AMOTL1: variants seen among roughly 807,000 people sequenced by gnomAD.
The protein encoded by AMOTL1 is angiomotin-like protein 1.
In AMOTL1, 45 loss-of-function variants were observed where a neutral mutation model predicts 102.9. The observed-to-expected ratio is 0.44, with a 90% confidence interval of 0.34 to 0.56. AMOTL1 has a LOEUF of 0.56. AMOTL1 is among the 20% of genes least tolerant of loss of function. The pLI, the probability that AMOTL1 is intolerant of heterozygous loss-of-function variation, is 0.01. For missense variants in AMOTL1, 1,114 were observed against 1,225.6 expected (o/e 0.91, Z 1.36); for synonymous variants, 481 against 484.7 (o/e 0.99, Z 0.10).
intron 6 of AMOTL1, among the ~76,000 whole-genome samples, chr11:94,837,475 T>C (rs1184162718): frequency 1.3e-5 from 2 of 152,232 alleles, no homozygotes; most frequent in Non-Finnish European, 2.9e-5. Flanking sequence ...TCCCAAAGAA[T>C]GCCTGCGTGG....
intron 3 of AMOTL1, among the ~76,000 whole-genome samples, chr11:94,820,733 A>T (rs905843049): frequency 6.6e-6 from 1 of 152,140 alleles, no homozygotes; most frequent in Admixed American, 6.5e-5. Context: ...TTGCAACTAG[A>T]TTGTCCCATC....
At chr11:94,823,466 T>A (rs7115439) in intron 4 of AMOTL1, among the ~76,000 whole-genome samples, 37,828 of 151,988 alleles carry the variant, frequency 0.25, 5,325 homozygotes, top group East Asian at 0.46. Context: ...CTTGCCTCTG[T>A]CATTTTTGGG....
chr11:94,729,825 T>C (rs1393775194), intron 2 of AMOTL1, among the ~76,000 whole-genome samples: 1 of 152,228 alleles, frequency 6.6e-6, no homozygotes, highest in African/African-American at 2.4e-5. Context: ...AGTATCTATT[T>C]TATGCCAAGC....
chr11:94,766,807 C>T (rs183776742), upstream of AMOTL1, among the ~76,000 whole-genome samples: 5 of 152,362 alleles, frequency 3.3e-5, no homozygotes, highest in African/African-American at 1.2e-4. Flanking sequence ...TGAGCTTCTT[C>T]ATCCGGCAAG....
At chr11:94,755,416 C>T (rs1565340251) in intron 3 of AMOTL1, among the ~76,000 whole-genome samples, 1 of 152,196 alleles carries the variant, frequency 6.6e-6, no homozygotes, top group Non-Finnish European at 1.5e-5. Flanking sequence ...ATCACTCAGC[C>T]TCTGCTAGAA....
chr11:94,868,636 C>T (rs1033779235), intron 11 of AMOTL1, among the ~76,000 whole-genome samples: 1 of 152,132 alleles, frequency 6.6e-6, no homozygotes, highest in African/African-American at 2.4e-5. Flanking sequence ...GACCATCATC[C>T]ATTACAAGGA....
In AMOTL1 at chr11:94,872,821, C is replaced by T. The variant is rs1034218063; in HGVS notation, c.*2026C>T. ...GGGAAGAGGGCACAGGAGGCCTCATCCATGGGGGAAAGGGTTGAGGATGGA... is the reference window on the plus strand; with the variant it reads ...GGGAAGAGGGCACAGGAGGCCTCATTCATGGGGGAAAGGGTTGAGGATGGA... On this transcript the variant is annotated 3_prime_UTR_variant, in exon 13 of 13. Transcript: ENST00000433060. 1 of 152,228 alleles carries T rather than the reference C, an allele frequency of 6.6e-6. No individual in the cohort carries two copies. Among genetic ancestry groups the T allele is most frequent in the African/African-American group, 2.4e-5 (1 of 41,420 alleles). The allele number at this position is 152,228 out of a possible 1,614,324, so 9.4% of individuals were successfully genotyped here. A position where few individuals can be genotyped will look rare whatever the true frequency, so the allele number is the denominator to read the frequency against.
At chr11:94,849,469 T>G (rs932098962) in intron 6 of AMOTL1, among the ~76,000 whole-genome samples, 5 of 152,194 alleles carry the variant, frequency 3.3e-5, no homozygotes, top group Admixed American at 2.6e-4. Context: ...GCTTCCCATA[T>G]GCAAAGAGAG....
intron 2 of AMOTL1, chr11:94,796,987 A>C: frequency 1.0e-6 from 1 of 985,392 alleles, no homozygotes; most frequent in Non-Finnish European, 1.2e-6. Context: ...CGAGCGTGGC[A>C]GTTGATTAAA....
At chr11:94,790,652 T>A (rs1480038693) in intron 1 of AMOTL1, among the ~76,000 whole-genome samples, 1 of 152,102 alleles carries the variant, frequency 6.6e-6, no homozygotes, top group Admixed American at 6.5e-5. Context: ...ACCACAAAAA[T>A]TCCACCCTGA....
At chr11:94,757,343 C>T (rs895440832) in intron 3 of AMOTL1, among the ~76,000 whole-genome samples, 1 of 152,080 alleles carries the variant, frequency 6.6e-6, no homozygotes, top group Middle Eastern at 3.4e-3. Flanking sequence ...TTGTAACCAC[C>T]GCTTATGAAA....
At chr11:94,708,482 T>C (rs1401433375) in intron 1 of AMOTL1, among the ~76,000 whole-genome samples, 2 of 152,204 alleles carry the variant, frequency 1.3e-5, no homozygotes, top group African/African-American at 2.4e-5. Context: ...CTAAACCTTC[T>C]TGAGGCTCAT....
At chr11:94,787,977 C>T (rs1159915523) in intron 1 of AMOTL1, among the ~76,000 whole-genome samples, 1 of 152,160 alleles carries the variant, frequency 6.6e-6, no homozygotes, top group Non-Finnish European at 1.5e-5. Context: ...AGGGTGAGGT[C>T]ACCATAGAGA....
intron 1 of AMOTL1, among the ~76,000 whole-genome samples, chr11:94,793,295 A>C (rs1245403690): frequency 6.6e-6 from 1 of 152,124 alleles, no homozygotes; most frequent in East Asian, 1.9e-4. Flanking sequence ...ATTTGGTAGG[A>C]GGGATGGGAA....
chr11:94,756,056 C>T (rs765506507), intron 3 of AMOTL1, among the ~76,000 whole-genome samples: 1 of 152,154 alleles, frequency 6.6e-6, no homozygotes, highest in African/African-American at 2.4e-5. Context: ...TGACCTTCCG[C>T]TGGAGTCAGG....
intron 3 of AMOTL1, among the ~76,000 whole-genome samples, chr11:94,746,786 T>TA (rs61150359): frequency 0.12 from 18,572 of 152,080 alleles, 2,420 homozygotes; most frequent in African/African-American, 0.3. Context: ...TGCTTGGGTT[T>TA]AATCACATCT....
chr11:94,835,283 C>T (rs996630144), intron 6 of AMOTL1, among the ~76,000 whole-genome samples: 1 of 152,172 alleles, frequency 6.6e-6, no homozygotes, highest in Non-Finnish European at 1.5e-5. Flanking sequence ...GTGAGAAACT[C>T]GGGCTTCTTT....
chr11:94,755,819 C>A (rs1289252301), intron 3 of AMOTL1, among the ~76,000 whole-genome samples: 1 of 152,164 alleles, frequency 6.6e-6, no homozygotes, highest in Non-Finnish European at 1.5e-5. Flanking sequence ...TTACAGTGTG[C>A]TCTTTCAGTT....
At chr11:94,714,954 C>T (rs960155221) in intron 1 of AMOTL1, among the ~76,000 whole-genome samples, 3 of 152,024 alleles carry the variant, frequency 2.0e-5, no homozygotes, top group Non-Finnish European at 2.9e-5. Context: ...GAGCTAGCGA[C>T]TTAAATTACT....
Sources: gnomAD v4.1 joint callset for allele counts (sites outside exome capture counted in the v4.1 genomes callset) on GRCh38, gnomAD v4.1.1 for gene constraint, MANE v1.5 for transcripts, NCBI Gene and HGNC (gene_info 2026-07-23, HGNC 2026-07-21) for gene names.